Variants in STK31 observed in about 807,000 individuals in gnomAD.
The protein encoded by STK31 is serine/threonine-protein kinase 31.
In STK31, 89 loss-of-function variants were observed where a neutral mutation model predicts 129.7. The ratio of observed to expected loss-of-function variants is 0.69; its 90% CI spans 0.58 to 0.82. STK31 has a LOEUF of 0.82. Among genes scored for constraint, STK31 ranks in the 40% least tolerant of loss-of-function variants. The probability of loss-of-function intolerance (pLI) is 0.00; values close to 1 mark genes in which losing one functional copy is unlikely to be tolerated. For synonymous variants in STK31, 448 were observed against 395.3 expected, an observed-to-expected ratio of 1.13 and a Z score of -1.58; for missense variants, 1,187 against 1,176.4, an observed-to-expected ratio of 1.01 and a Z score of -0.13.
chr7:23,754,054 A>G (rs956400827), intron 9 of STK31, among the ~76,000 whole-genome samples: 1 of 152,068 alleles, frequency 6.6e-6, no homozygotes, highest in Non-Finnish European at 1.5e-5. Context: ...TAATTTTTTC[A>G]TATTTTTTAT....
chr7:23,722,540 C>G, intron 4 of STK31: 1 of 152,514 alleles, frequency 6.6e-6, no homozygotes, highest in South Asian at 2.1e-4. Flanking sequence ...GGTCAGGGAC[C>G]CACTTGAGGA....
At chr7:23,796,271 C>T (rs922803813) in intron 22 of STK31, among the ~76,000 whole-genome samples, 6 of 152,102 alleles carry the variant, frequency 3.9e-5, no homozygotes, top group African/African-American at 1.4e-4. Context: ...AACCAGCACC[C>T]TCATGGAAAT....
intron 18 of STK31, 40 bp downstream of exon 18, chr7:23,785,643 C>T (rs1791228934): frequency 1.9e-6 from 3 of 1,591,312 alleles, no homozygotes; most frequent in African/African-American, 1.3e-5. Flanking sequence ...GATTCAGCAG[C>T]ATAAAGGATA....
chr7:23,738,718 G>T (rs1400637454), intron 8 of STK31, among the ~76,000 whole-genome samples: 1 of 152,064 alleles, frequency 6.6e-6, no homozygotes, highest in South Asian at 2.1e-4. Flanking sequence ...GCCATGTCTG[G>T]CTAATTTTTG....
chr7:23,826,410 A>G (rs1300820420), intron 23 of STK31, among the ~76,000 whole-genome samples: 3 of 152,262 alleles, frequency 2.0e-5, no homozygotes, highest in East Asian at 3.9e-4. Context: ...ATCTGAGACT[A>G]GGATTGCAAC....
chr7:23,721,208 C>T (rs756587096), intron 4 of STK31: 4 of 352,270 alleles, frequency 1.1e-5, no homozygotes, highest in African/African-American at 2.1e-5. Flanking sequence ...CTATAATTCG[C>T]TCTGATGAAA....
chr7:23,781,435 G>A lies in STK31; in HGVS notation c.1982G>A (p.Gly661Asp). The A allele has an allele frequency of 1.2e-6, 2 of 1,609,968 alleles. No individual in the cohort carries two copies. Among genetic ancestry groups the A allele is most frequent in the South Asian group, 1.1e-5 (1 of 90,204 alleles). ...TGATTCAAGTCAGATGATCCTGATG[G>A]CTCTCAAATTGAGAAAATAAAAGAA... is the stretch of plus-strand genomic sequence containing the variant. ...SNLEESDDPD[G>D]SQIEKIKEEI... Residue 661 changes from glycine to aspartate, a missense_variant, in exon 16 of 24, where the codon GGC becomes GAC. Physicochemically the swap from Gly to Asp is moderately conservative, Grantham distance 94. Transcript: ENST00000355870.
chr7:23,737,834 C>T (rs1787804547), intron 8 of STK31, among the ~76,000 whole-genome samples: 1 of 151,376 alleles, frequency 6.6e-6, no homozygotes, highest in African/African-American at 2.4e-5. Context: ...GAAATTTTCC[C>T]CCCCAGGGAT....
At chr7:23,825,064 TTG>T (rs1794044036) in intron 23 of STK31, among the ~76,000 whole-genome samples, 1 of 152,020 alleles carries the variant, frequency 6.6e-6, no homozygotes, top group Non-Finnish European at 1.5e-5. Context: ...ATTGTCTTTT[TTG>T]GTTGTGTCTC....
At chr7:23,735,035 A>C (rs1410611700) in intron 6 of STK31, among the ~76,000 whole-genome samples, 1 of 152,160 alleles carries the variant, frequency 6.6e-6, no homozygotes, top group African/African-American at 2.4e-5. Context: ...CAGTTTGTTG[A>C]TTTTTAAAGA....
chr7:23,720,010 C>G (rs560809863), intron 4 of STK31, among the ~76,000 whole-genome samples: 2 of 152,166 alleles, frequency 1.3e-5, no homozygotes, highest in South Asian at 4.1e-4. Context: ...ACCTTCTTAA[C>G]AAAGAATGTC....
chr7:23,783,146 A>C (rs975824138), intron 16 of STK31, among the ~76,000 whole-genome samples: 8 of 152,226 alleles, frequency 5.3e-5, no homozygotes, highest in African/African-American at 1.4e-4. Flanking sequence ...AGAAATTGGC[A>C]GCGAGGTACA....
In STK31 at chr7:23,745,868, G is replaced by A. The variant is rs908879449; in HGVS notation, c.1018-6849G>A. Among the ~76,000 whole-genome samples, 11 of 152,254 alleles carry A rather than the reference G, an allele frequency of 7.2e-5. No homozygotes were observed. The South Asian group carries it at 2.3e-3, about 32-fold the overall frequency. On this transcript the variant is annotated intron_variant, in intron 8 of 23. Coordinates refer to ENST00000355870, the MANE Select transcript of STK31 (RefSeq NM_031414.5). ...GGCGTAGAGTGGCTGCCAGTGGCTT[G>A]TGTTTTGATTCTGTGGCAGCAGCAG...
intron 10 of STK31, among the ~76,000 whole-genome samples, chr7:23,757,089 G>C (rs1012697194): frequency 2.6e-5 from 4 of 152,102 alleles, no homozygotes; most frequent in Non-Finnish European, 4.4e-5. Context: ...TTGTATTTCT[G>C]GTAGAATTCG....
At chr7:23,800,555 A>G (rs1014859274) in intron 22 of STK31, among the ~76,000 whole-genome samples, 1 of 152,046 alleles carries the variant, frequency 6.6e-6, no homozygotes, top group Non-Finnish European at 1.5e-5. Flanking sequence ...CAATGAGAAC[A>G]TATGGACACA....
In STK31 at chr7:23,791,918, A is replaced by G. The variant is rs553255846; in HGVS notation, c.2760+972A>G. Among the ~76,000 whole-genome samples the G allele has an allele frequency of 2.8e-4, 42 of 152,364 alleles. No homozygotes were observed. In the Middle Eastern group the frequency reaches 0.017, roughly 62 times the overall value. On this transcript the variant is annotated intron_variant, in intron 22 of 23. Coordinates refer to ENST00000355870, the MANE Select transcript of STK31 (RefSeq NM_031414.5). ...ATGAAAGCAGCCATAGACAGTATGT[A>G]AACAAATCAGTGTGGCTCTTTTCCA...
intron 9 of STK31, 130 bp downstream of exon 9, chr7:23,752,962 A>C: frequency 1.6e-6 from 1 of 627,540 alleles, no homozygotes; most frequent in South Asian, 2.0e-5. Context: ...CTTCAAAGAG[A>C]GAAAGATAGT....
chr7:23,710,398 C>G, intron 1 of STK31, 63 bp downstream of exon 1: 4 of 1,611,168 alleles, frequency 2.5e-6, no homozygotes, highest in South Asian at 2.2e-5. Flanking sequence ...TTCGTCGCTG[C>G]TTGCGTTTTA....
chr7:23,800,795 T>C (rs1462977186), intron 22 of STK31, among the ~76,000 whole-genome samples: 1 of 151,970 alleles, frequency 6.6e-6, no homozygotes, highest in East Asian at 1.9e-4. Flanking sequence ...AATATCATAT[T>C]AGTGGTATCA....
Sources: gnomAD v4.1 joint callset for allele counts (sites outside exome capture counted in the v4.1 genomes callset) on GRCh38, gnomAD v4.1.1 for gene constraint, MANE v1.5 for transcripts, NCBI Gene and HGNC (gene_info 2026-07-23, HGNC 2026-07-21) for gene names.